Variants in CYP4F22 observed in about 807,000 individuals in gnomAD.
The protein encoded by CYP4F22 is ultra-long-chain fatty acid omega-hydroxylase.
A neutral mutation model predicts 60.4 loss-of-function variants in CYP4F22; 37 were observed. The ratio of observed to expected loss-of-function variants is 0.61; its 90% CI spans 0.47 to 0.81. The LOEUF (loss-of-function observed/expected upper bound fraction) is 0.81, where lower values mean the gene tolerates loss of function less well. CYP4F22 is among the 30% of genes least tolerant of loss of function. The pLI is 0.00. For synonymous variants in CYP4F22, 258 were observed against 280.5 expected, an observed-to-expected ratio of 0.92 and a Z score of 0.80; for missense variants, 655 against 715.0, an observed-to-expected ratio of 0.92 and a Z score of 0.96.
At chr19:15,524,156 G>T (rs747807723) in intron 2 of CYP4F22, among the ~76,000 whole-genome samples, 6 of 152,170 alleles carry the variant, frequency 3.9e-5, no homozygotes, top group Non-Finnish European at 8.8e-5. Context: ...CTACAATGTG[G>T]ATGAACCTCA....
At chr19:15,542,730 A>AGT (rs1971478106) in intron 8 of CYP4F22, among the ~76,000 whole-genome samples, 2 of 82,304 alleles carry the variant, frequency 2.4e-5, no homozygotes, top group South Asian at 1.3e-3. Flanking sequence ...AGGCCCCCCA[A>AGT]GTGTGTGTTG....
chr19:15,549,300 A>G (rs777713206), intron 12 of CYP4F22, 98 bp downstream of exon 12: 20 of 1,196,848 alleles, frequency 1.7e-5, no homozygotes, highest in Non-Finnish European at 2.1e-5. Flanking sequence ...CTGAGTGCGC[A>G]CACCCCTCCC....
intron 1 of CYP4F22, among the ~76,000 whole-genome samples, chr19:15,510,096 C>A (rs1226146217): frequency 6.6e-6 from 1 of 151,888 alleles, no homozygotes; most frequent in Non-Finnish European, 1.5e-5. Context: ...ATCCTCCTAC[C>A]TCAGCCTCCT....
intron 10 of CYP4F22, among the ~76,000 whole-genome samples, chr19:15,547,109 C>T (rs12982170): frequency 0.12 from 18,070 of 146,902 alleles, 1,464 homozygotes; most frequent in Non-Finnish European, 0.17. Context: ...CTGCAACCTC[C>T]GCCTTCCGGG....
chr19:15,536,019 G>A (rs778430896), intron 4 of CYP4F22, among the ~76,000 whole-genome samples: 5 of 152,142 alleles, frequency 3.3e-5, no homozygotes, highest in South Asian at 4.1e-4. Context: ...GAGAGAGCAC[G>A]TGGTCTTTTT....
At position 15,540,724 on chromosome 19, in the gene CYP4F22, C is replaced by T; in HGVS notation, c.939+7C>T. On this transcript the variant is annotated splice_region_variant and intron_variant, in intron 8 of 13. Transcript: ENST00000269703. ...TGTGCTGCTCCTGGCCAGGGTGAGG[C>T]TGGGCCCCCTGGAATTGCTGGCCTC... 5.0e-6 allele frequency: 4 copies of T among 807,298 alleles called. No individual in the cohort carries two copies. The highest frequency in any genetic ancestry group is 6.8e-6 in the Non-Finnish European group (4 of 590,436). 50.0% of individuals were successfully genotyped at this position (807,298 alleles called of 1,614,324 possible). A position where few individuals can be genotyped will look rare whatever the true frequency, so the allele number is the denominator to read the frequency against.
chr19:15,513,616 G>A lies in CYP4F22; in HGVS notation c.-109+5033G>A, dbSNP rs572516616. On this transcript the variant is annotated intron_variant, in intron 1 of 13. Coordinates refer to ENST00000269703, the MANE Select transcript of CYP4F22 (RefSeq NM_173483.4). ...CCTGACCTCGTGATCTGCCCGCCTC[G>A]GCCTCCCAAAGTGCTGGGATTACAA... Among the ~76,000 whole-genome samples the A allele has an allele frequency of 3.3e-5, 5 of 151,940 alleles. No homozygotes were observed. In the East Asian group the frequency reaches 5.8e-4, roughly 18 times the overall value.
In CYP4F22 at chr19:15,551,346, C is replaced by T; in HGVS notation, c.1471C>T (p.Leu491=). Residue 491 remains leucine, a synonymous_variant, in exon 14 of 14, where the codon CTA becomes TTA. Transcript: ENST00000269703. The part of the protein sequence containing the change: ...AMAELRVVVA[L]TLLRFRLSVD... ...GGCCGAGTTGCGCGTGGTTGTGGCA[C>T]TAACACTGCTACGTTTCCGCCTGAG... 1.2e-6 allele frequency: 2 copies of T among 1,613,564 alleles called. No individual in the cohort carries two copies. Among genetic ancestry groups the T allele is most frequent in the Non-Finnish European group, 1.7e-6 (2 of 1,179,764 alleles).
Position 15,537,550 on chromosome 19 carries a change from T to C in CYP4F22, c.437T>C (p.Leu146Pro). The part of the protein sequence containing the change: ...LKPWLGDGLL[L>P]SKGDKWSRHR... ...CTGGGCCCAGGGGATGGGCTGCTGCTCAGCAAAGGTGACAAGTGGAGCCGG... is the reference window on the plus strand; with the variant it reads ...CTGGGCCCAGGGGATGGGCTGCTGCCCAGCAAAGGTGACAAGTGGAGCCGG... Residue 146 changes from leucine to proline, a missense_variant, in exon 6 of 14, where the codon CTC (leucine) becomes CCC (proline). Coordinates refer to ENST00000269703, the MANE Select transcript of CYP4F22 (RefSeq NM_173483.4). 1 of 1,614,144 alleles carries C rather than the reference T, an allele frequency of 6.2e-7. No homozygotes were observed. Among genetic ancestry groups the C allele is most frequent in the Non-Finnish European group, 8.5e-7 (1 of 1,180,024 alleles).
intron 4 of CYP4F22, among the ~76,000 whole-genome samples, chr19:15,533,591 C>CTTTTTTTTT (rs34585637): frequency 1.2e-4 from 11 of 91,434 alleles, no homozygotes; most frequent in African/African-American, 5.0e-4. Flanking sequence ...CAGTTTCATT[C>CTTTTTTTTT]TTTTTTTTTT....
chr19:15,551,454 C>A lies in CYP4F22; in HGVS notation c.1579C>A (p.Leu527Met). ...ENGLWLKVEP[L>M]PPRA ...CGGGCTCTGGCTCAAGGTGGAGCCG[C>A]TGCCTCCGCGGGCCTGAGCGTGGGC... is the stretch of plus-strand genomic sequence containing the variant. The change falls in exon 14 of 14, where the codon CTG becomes ATG. Residue 527 changes from leucine (L) to methionine (M), a missense_variant. Leu to Met is a conservative substitution (Grantham distance 15, BLOSUM62 2). Coordinates refer to ENST00000269703, the MANE Select transcript of CYP4F22 (RefSeq NM_173483.4). 1 of 1,566,038 alleles carries A rather than the reference C, an allele frequency of 6.4e-7. No homozygotes were observed. The highest frequency in any genetic ancestry group is 8.6e-7 in the Non-Finnish European group (1 of 1,156,120).
At chr19:15,536,266 G>T (rs1007265127) in intron 4 of CYP4F22, among the ~76,000 whole-genome samples, 1 of 152,160 alleles carries the variant, frequency 6.6e-6, no homozygotes, top group Admixed American at 6.5e-5. Flanking sequence ...TTGAATCCAG[G>T]AATTGGAGGC....
chr19:15,511,385 G>A (rs886123596), intron 1 of CYP4F22, among the ~76,000 whole-genome samples: 8 of 152,058 alleles, frequency 5.3e-5, no homozygotes, highest in Non-Finnish European at 1.0e-4. Context: ...CTCAAGCCCA[G>A]GACGGGGAGG....
intron 7 of CYP4F22, among the ~76,000 whole-genome samples, chr19:15,538,722 C>T (rs955415018): frequency 2.0e-5 from 3 of 152,134 alleles, no homozygotes; most frequent in Non-Finnish European, 2.9e-5. Flanking sequence ...TATAGGGGCA[C>T]GTTCCAGTTG....
chr19:15,525,773 A>T (rs1358663513), intron 3 of CYP4F22, among the ~76,000 whole-genome samples: 2 of 152,238 alleles, frequency 1.3e-5, no homozygotes, highest in Middle Eastern at 3.4e-3. Context: ...AACTTTAAAG[A>T]TGAATTATTT....
chr19:15,511,406 C>A (rs1383137182), intron 1 of CYP4F22, among the ~76,000 whole-genome samples: 1 of 151,986 alleles, frequency 6.6e-6, no homozygotes, highest in African/African-American at 2.4e-5. Context: ...TTGCAGTGAG[C>A]CAAGATCACA....
intron 8 of CYP4F22, among the ~76,000 whole-genome samples, chr19:15,542,335 G>A (rs573043517): frequency 6.6e-6 from 1 of 151,478 alleles, no homozygotes; most frequent in Non-Finnish European, 1.5e-5. Flanking sequence ...AGTTCAAGAC[G>A]AGCCTGGCCA....
Position 15,537,626 on chromosome 19 carries a change from C to T in CYP4F22, c.513C>T (p.Tyr171=). Residue 171 remains tyrosine, a synonymous_variant, in exon 6 of 14, where the codon TAC becomes TAT. Coordinates refer to ENST00000269703, the MANE Select transcript of CYP4F22 (RefSeq NM_173483.4). ...PAFHFDILKP[Y]MKIFNQSADI... is the part of the protein sequence containing the mutation. ...TCCACTTTGACATCCTGAAGCCTTACATGAAGATCTTCAACCAGAGCGCTG... is the reference window on the plus strand; with the variant it reads ...TCCACTTTGACATCCTGAAGCCTTATATGAAGATCTTCAACCAGAGCGCTG... The T allele has an allele frequency of 6.2e-7, 1 of 1,613,994 alleles. No individual in the cohort carries two copies. Among genetic ancestry groups the T allele is most frequent in the East Asian group, 2.2e-5 (1 of 44,884 alleles).
chr19:15,551,167 C>A, intron 13 of CYP4F22, 127 bp from the exon 14 acceptor site: 1 of 1,221,988 alleles, frequency 8.2e-7, no homozygotes, highest in Non-Finnish European at 1.2e-6. Context: ...CCTCACCCAG[C>A]GTGGGGTTTC....
Sources: gnomAD v4.1 joint callset for allele counts (sites outside exome capture counted in the v4.1 genomes callset) on GRCh38, gnomAD v4.1.1 for gene constraint, MANE v1.5 for transcripts, NCBI Gene and HGNC (gene_info 2026-07-23, HGNC 2026-07-21) for gene names.